The following FAT3 variants were observed in gnomAD, a reference collection of about 807,000 sequenced individuals.
FAT3 encodes the protein FAT atypical cadherin 3, also known as protocadherin Fat 3.
Under a neutral mutation model 310.2 loss-of-function variants are expected in FAT3, and 95 were observed. The ratio of observed to expected loss-of-function variants is 0.31; its 90% CI spans 0.26 to 0.36. The LOEUF (loss-of-function observed/expected upper bound fraction) is 0.36, where lower values mean the gene tolerates loss of function less well. FAT3 is among the 10% of genes least tolerant of loss of function. The pLI is 1.00. For missense variants in FAT3, 5,408 were observed against 5,715.6 expected, an observed-to-expected ratio of 0.95 and a Z score of 1.74; for synonymous variants, 2,314 against 2,192.9, an observed-to-expected ratio of 1.06 and a Z score of -1.54.
intron 24 of FAT3, among the ~76,000 whole-genome samples, chr11:92,884,460 A>G (rs371801963): frequency 4.7e-4 from 72 of 152,176 alleles, no homozygotes; most frequent in Non-Finnish European, 9.3e-4. Flanking sequence ...GCTGTAACCT[A>G]TAACTTCATC....
chr11:92,543,260 A>G (rs1049596915), intron 3 of FAT3, among the ~76,000 whole-genome samples: 3 of 152,162 alleles, frequency 2.0e-5, no homozygotes, highest in Non-Finnish European at 4.4e-5. Flanking sequence ...CTAGTGTTTT[A>G]TTGCACATTG....
At chr11:92,877,176 G>T (rs796442302) in intron 22 of FAT3, among the ~76,000 whole-genome samples, 2 of 152,314 alleles carry the variant, frequency 1.3e-5, no homozygotes, top group African/African-American at 4.8e-5. Flanking sequence ...AGCTCTTAGA[G>T]ACCTAAATTC....
chr11:92,561,591 C>G (rs944698861), intron 3 of FAT3, among the ~76,000 whole-genome samples: 1 of 151,658 alleles, frequency 6.6e-6, no homozygotes, highest in South Asian at 2.1e-4. Flanking sequence ...CATTTTGATT[C>G]TTTTATTATC....
At chr11:92,395,722 G>A (rs1488945991) in intron 2 of FAT3, among the ~76,000 whole-genome samples, 2 of 151,974 alleles carry the variant, frequency 1.3e-5, no homozygotes, top group Admixed American at 1.3e-4. Flanking sequence ...GGGATTACAG[G>A]AGGCTGCAAC....
intron 19 of FAT3, among the ~76,000 whole-genome samples, chr11:92,854,749 T>A (rs996701085): frequency 6.6e-6 from 1 of 152,198 alleles, no homozygotes; most frequent in Admixed American, 6.5e-5. Flanking sequence ...TTTGGAACAG[T>A]GGCTTTTAAG....
At chr11:92,336,149 C>T (rs1948069790) in intron 1 of FAT3, 1 of 547,656 alleles carries the variant, frequency 1.8e-6, no homozygotes, top group East Asian at 4.8e-5. Context: ...AGTGGGCCCA[C>T]TCTCGCATCC....
intron 3 of FAT3, among the ~76,000 whole-genome samples, chr11:92,552,546 TGAGA>T (rs1461895174): frequency 2.0e-5 from 3 of 152,242 alleles, no homozygotes; most frequent in Non-Finnish European, 4.4e-5. Context: ...CATTTTCTGT[TGAGA>T]GAGAGGGAAA....
intron 3 of FAT3, among the ~76,000 whole-genome samples, chr11:92,640,490 ATTATT>A (rs1941919254): frequency 6.6e-6 from 1 of 152,154 alleles, no homozygotes; most frequent in African/African-American, 2.4e-5. Context: ...CATTATGACT[ATTATT>A]TTATTGTTAT....
intron 3 of FAT3, among the ~76,000 whole-genome samples, chr11:92,621,393 G>C (rs1941079105): frequency 6.6e-6 from 1 of 152,148 alleles, no homozygotes. Context: ...GGACAAAATC[G>C]CTAGCACTTT....
At chr11:92,302,474 T>A (rs950762731) in intron 1 of FAT3, among the ~76,000 whole-genome samples, 1 of 152,136 alleles carries the variant, frequency 6.6e-6, no homozygotes, top group African/African-American at 2.4e-5. Flanking sequence ...TAATTTTTTT[T>A]TTCTTTCAGC....
At chr11:92,361,962 C>A (rs1313890080) in intron 2 of FAT3, among the ~76,000 whole-genome samples, 2 of 152,232 alleles carry the variant, frequency 1.3e-5, no homozygotes, top group Non-Finnish European at 2.9e-5. Flanking sequence ...ATCTACTGAG[C>A]ACCATCTGTT....
At chr11:92,826,405 G>A (rs1482801930) in intron 13 of FAT3, among the ~76,000 whole-genome samples, 1 of 152,194 alleles carries the variant, frequency 6.6e-6, no homozygotes, top group African/African-American at 2.4e-5. Flanking sequence ...CCAGGAGAAA[G>A]TGTTGGCTCA....
Position 92,655,592 on chromosome 11 carries a change from A to G in FAT3, c.3608-41792A>G, listed in dbSNP as rs141185215. Among the ~76,000 whole-genome samples, 528 of 152,186 alleles carry G rather than the reference A, an allele frequency of 3.5e-3. 4 individuals are homozygous for G. Among genetic ancestry groups the G allele is most frequent in the Non-Finnish European group, 6.1e-3 (417 of 68,004 alleles). ...TATTTCTTTTCTCATCATCCCATCT[A>G]CTTACTCCTGACTCTTTGTGCTTGG... On this transcript the variant is annotated intron_variant, in intron 3 of 27. Coordinates refer to ENST00000525166, the MANE Select transcript of FAT3 (RefSeq NM_001367949.2).
chr11:92,835,387 G>A (rs1462808781), intron 15 of FAT3, among the ~76,000 whole-genome samples: 4 of 152,122 alleles, frequency 2.6e-5, no homozygotes, highest in Non-Finnish European at 4.4e-5. Flanking sequence ...GGCCCCCTAT[G>A]TAGATGTGAA....
intron 21 of FAT3, among the ~76,000 whole-genome samples, chr11:92,860,183 T>C (rs1182295255): frequency 6.6e-6 from 1 of 152,188 alleles, no homozygotes; most frequent in East Asian, 1.9e-4. Context: ...AGATAACAGC[T>C]TTTTGTGCAT....
intron 2 of FAT3, chr11:92,403,429 C>T (rs991272658): frequency 2.6e-5 from 4 of 152,066 alleles, no homozygotes; most frequent in African/African-American, 9.7e-5. Context: ...TGAGAAGGCT[C>T]CCAGAAACAG....
rs1428859825 is a variant in FAT3, at chr11:92,895,289, T to C, written c.*4176T>C. 6.6e-6 allele frequency: 1 copy of C among 152,268 alleles called. No individual in the cohort carries two copies. The highest frequency in any genetic ancestry group is 2.4e-5 in the African/African-American group (1 of 41,468). The allele number at this position is 152,268 out of a possible 1,614,324, so 9.4% of individuals were successfully genotyped here. ...TGGTTTGTGTCCCACAGTGTTCAACTGCACATTATTCTGATGAAAATCCAC... is the reference window on the plus strand; with the variant it reads ...TGGTTTGTGTCCCACAGTGTTCAACCGCACATTATTCTGATGAAAATCCAC... On this transcript the variant is annotated 3_prime_UTR_variant, in exon 28 of 28. Transcript: ENST00000525166.
rs141597494 is a variant in FAT3, at chr11:92,892,486, A to C, written c.*1373A>C. On this transcript the variant is annotated 3_prime_UTR_variant, in exon 28 of 28. Coordinates refer to ENST00000525166, the MANE Select transcript of FAT3 (RefSeq NM_001367949.2). ...GAGTGCAATGGCATGATCTCAGCTC[A>C]CTGCAATCTCCACCTCCTGGGTTCA... 6.6e-6 allele frequency: 1 copy of C among 150,472 alleles called. No individual in the cohort carries two copies. Among genetic ancestry groups the C allele is most frequent in the Non-Finnish European group, 1.5e-5 (1 of 67,890 alleles). The allele number at this position is 150,472 out of a possible 1,614,324, so 9.3% of individuals were successfully genotyped here. A position where few individuals can be genotyped will look rare whatever the true frequency, so the allele number is the denominator to read the frequency against.
At position 92,891,175 on chromosome 11, in the gene FAT3, C is replaced by T; in HGVS notation, c.*62C>T. ...GAAAAGTGGAAGCAGATTGGCTGGGCTTCTGTCCCAGTGGAGCATTGTCTG... is the reference window on the plus strand; with the variant it reads ...GAAAAGTGGAAGCAGATTGGCTGGGTTTCTGTCCCAGTGGAGCATTGTCTG... On this transcript the variant is annotated 3_prime_UTR_variant, in exon 28 of 28. Coordinates refer to ENST00000525166, the MANE Select transcript of FAT3 (RefSeq NM_001367949.2). 6.4e-7 allele frequency: 1 copy of T among 1,572,588 alleles called. No individual in the cohort carries two copies. The highest frequency in any genetic ancestry group is 8.6e-7 in the Non-Finnish European group (1 of 1,159,296).
Sources: gnomAD v4.1 joint callset for allele counts (sites outside exome capture counted in the v4.1 genomes callset) on GRCh38, gnomAD v4.1.1 for gene constraint, MANE v1.5 for transcripts, NCBI Gene and HGNC (gene_info 2026-07-23, HGNC 2026-07-21) for gene names.